The following OSCP1 variants were observed in gnomAD, a reference collection of about 807,000 sequenced individuals.
The protein encoded by OSCP1 is organic solute carrier partner 1.
A neutral mutation model predicts 45.1 loss-of-function variants in OSCP1; 35 were observed. The ratio of observed to expected loss-of-function variants is 0.78; its 90% CI spans 0.59 to 1.03. The LOEUF is 1.03. Among genes scored for constraint, OSCP1 ranks in the 50% least tolerant of loss-of-function variants. OSCP1 has a pLI of 0.00. For synonymous variants in OSCP1, 179 were observed against 180.1 expected (o/e 0.99, Z 0.05); for missense variants, 400 against 470.7 (o/e 0.85, Z 1.39).
At chr1:36,420,805 T>C (rs565504261) in intron 7 of OSCP1, among the ~76,000 whole-genome samples, 190 bp from the exon 8 acceptor site, 2 of 152,338 alleles carry the variant, frequency 1.3e-5, no homozygotes, top group East Asian at 3.9e-4. Flanking sequence ...GCAGAGGGAA[T>C]GTAGCAACTT....
rs183022732 is a variant in OSCP1 at position 36,427,958 on chromosome 1, C to A, written c.516+3844G>T. Among the ~76,000 whole-genome samples, 38 of 151,868 alleles carry A rather than the reference C, an allele frequency of 2.5e-4. No individual in the cohort carries two copies. The East Asian group carries it at 6.8e-3, about 27-fold the overall frequency. ...ATTCCAGCACTTTGGGAGGCCGAGG[C>A]GGGTGGATTGCCTGAGGTCAGGAGT... is the stretch of plus-strand genomic sequence containing the variant. On this transcript the variant is annotated intron_variant, in intron 4 of 9. Coordinates refer to ENST00000235532, the MANE Select transcript of OSCP1 (RefSeq NM_145047.5).
intron 1 of OSCP1, among the ~76,000 whole-genome samples, chr1:36,442,395 A>G (rs1649256944): frequency 6.6e-6 from 1 of 152,204 alleles, no homozygotes; most frequent in Non-Finnish European, 1.5e-5. Flanking sequence ...ATAAATTTCA[A>G]TGATTCAATT....
rs1266742543 is a variant in OSCP1, at chr1:36,432,603, C to T, written c.268-14G>A. ...CAGGTCATAGAGCTGCCAACCCACA[C>T]ACAAGCAAAAGAAATGGGATCATAT... On this transcript the variant is annotated splice_polypyrimidine_tract_variant and intron_variant, in intron 2 of 9. Coordinates refer to ENST00000235532, the MANE Select transcript of OSCP1 (RefSeq NM_145047.5). 1.9e-6 allele frequency: 3 copies of T among 1,614,066 alleles called. No individual in the cohort carries two copies. Among genetic ancestry groups the T allele is most frequent in the Non-Finnish European group, 2.5e-6 (3 of 1,179,984 alleles).
intron 1 of OSCP1, among the ~76,000 whole-genome samples, chr1:36,446,435 G>A (rs184972435): frequency 6.6e-6 from 1 of 152,300 alleles, no homozygotes; most frequent in African/African-American, 2.4e-5. Context: ...GCTGCAAGGG[G>A]GTCATCTCTG....
intron 1 of OSCP1, chr1:36,448,014 G>A (rs993425240): frequency 2.3e-5 from 8 of 342,532 alleles, no homozygotes; most frequent in African/African-American, 1.5e-4. Flanking sequence ...GTATTCCAAG[G>A]GCCTTGTCCA....
At chr1:36,448,805 G>A (rs888907596) in intron 1 of OSCP1, among the ~76,000 whole-genome samples, 13 of 152,250 alleles carry the variant, frequency 8.5e-5, no homozygotes, top group Admixed American at 7.2e-4. Flanking sequence ...AGTGGTGGAA[G>A]AAGGGACTGC....
chr1:36,436,249 G>A (rs1324450810), intron 2 of OSCP1, among the ~76,000 whole-genome samples: 1 of 150,644 alleles, frequency 6.6e-6, no homozygotes, highest in Non-Finnish European at 1.5e-5. Flanking sequence ...GACTACAGGC[G>A]CCCACCACCA....
intron 2 of OSCP1, among the ~76,000 whole-genome samples, chr1:36,435,645 GT>G (rs1648677075): frequency 7.0e-6 from 1 of 142,816 alleles, no homozygotes; most frequent in South Asian, 2.2e-4. Context: ...TTTTTTTTTT[GT>G]TTTGAGACAG....
At position 36,450,443 on chromosome 1, in the gene OSCP1, C is replaced by G. The variant is rs554453784; in HGVS notation, c.-74G>C. The G allele has an allele frequency of 1.2e-5, 15 of 1,268,706 alleles. No individual in the cohort carries two copies. The highest frequency in any genetic ancestry group is 1.9e-4 in the Middle Eastern group (1 of 5,330). 78.6% of individuals were successfully genotyped at this position (1,268,706 alleles called of 1,614,324 possible). Reference sequence around the variant, plus strand: ...CAGTGGCCTGAAGGCCAGGCCGCAGCGTCCCAATAGTCCGGTTGCTGGGGC... The same window carrying G: ...CAGTGGCCTGAAGGCCAGGCCGCAGGGTCCCAATAGTCCGGTTGCTGGGGC... On this transcript the variant is annotated 5_prime_UTR_variant, in exon 1 of 10. Coordinates refer to ENST00000235532, the MANE Select transcript of OSCP1 (RefSeq NM_145047.5).
chr1:36,425,121 C>T (rs982094916), intron 4 of OSCP1, among the ~76,000 whole-genome samples: 8 of 147,414 alleles, frequency 5.4e-5, no homozygotes, highest in Non-Finnish European at 3.0e-5. Context: ...TGCAGTGAGC[C>T]GAGATCATGC....
chr1:36,448,588 A>G (rs540098778), intron 1 of OSCP1, among the ~76,000 whole-genome samples: 5 of 152,332 alleles, frequency 3.3e-5, no homozygotes, highest in African/African-American at 1.2e-4. Context: ...ATGGGGTGCT[A>G]TGGGAGCACA....
Position 36,425,190 on chromosome 1 carries a change from T to A in OSCP1, c.517-1724A>T, listed in dbSNP as rs575686620. 7.4e-4 allele frequency among the ~76,000 whole-genome samples: 88 copies of A among 119,004 alleles called. 1 individual carries two copies. The highest frequency in any genetic ancestry group is 5.7e-3 in the East Asian group (22 of 3,882). The allele number at this position is 119,004 out of a possible 152,430, so 78.1% of individuals were successfully genotyped here. A position where few individuals can be genotyped will look rare whatever the true frequency, so the allele number is the denominator to read the frequency against. ...TCTGTCTCAAAAAAAAAAAAAAAAA[T>A]GGAAAGAATAAGCATTTGTTGTGTG... is the stretch of plus-strand genomic sequence containing the variant. On this transcript the variant is annotated intron_variant, in intron 4 of 9. Coordinates refer to ENST00000235532, the MANE Select transcript of OSCP1 (RefSeq NM_145047.5).
chr1:36,447,964 GA>G lies in OSCP1; in HGVS notation c.112+2293del. 2.3e-6 allele frequency: 1 copy of G among 435,044 alleles called. No homozygotes were observed. Among genetic ancestry groups the G allele is most frequent in the Non-Finnish European group, 4.7e-6 (1 of 213,444 alleles). 26.9% of individuals were successfully genotyped at this position (435,044 alleles called of 1,614,324 possible). A position where few individuals can be genotyped will look rare whatever the true frequency, so the allele number is the denominator to read the frequency against. ...CCCAAAACCATATTTAGCAAAAGCA[GA>G]AAAAAGGCTATAACTCCTAAAGGTA... On this transcript the variant is annotated intron_variant, in intron 1 of 9. Coordinates refer to ENST00000235532, the MANE Select transcript of OSCP1 (RefSeq NM_145047.5). This position sits in a 1 kb window ranked among gnomAD's most constrained non-coding sequence, Gnocchi z 4.1.
chr1:36,431,533 A>G (rs774603691), intron 4 of OSCP1, among the ~76,000 whole-genome samples: 63 of 152,244 alleles, frequency 4.1e-4, no homozygotes, highest in African/African-American at 1.5e-3. Flanking sequence ...TTGACTTGAC[A>G]GCATATTTCC....
In OSCP1 at chr1:36,423,462, G is replaced by C; in HGVS notation, c.521C>G (p.Ser174Cys). Residue 174 changes from serine (S) to cysteine (C), a missense_variant, in exon 5 of 10, where the codon TCC (serine) becomes TGC (cysteine). Physicochemically the swap from Ser to Cys is moderately radical, Grantham distance 112. Coordinates refer to ENST00000235532, the MANE Select transcript of OSCP1 (RefSeq NM_145047.5). ...CTGAACTTTGTCCTTTAGAAACATG[G>C]ATACCTGGAAAAAAATACATTTATT... ...IFFQDLHIRV[S>C]MFLKDKVQNN... 6.2e-7 allele frequency: 1 copy of C among 1,600,014 alleles called. No individual in the cohort carries two copies.
chr1:36,445,277 G>A (rs551917735), intron 1 of OSCP1, among the ~76,000 whole-genome samples: 1 of 152,268 alleles, frequency 6.6e-6, no homozygotes, highest in East Asian at 1.9e-4. Context: ...TTGAACCCAG[G>A]AGGTGAAGGT....
chr1:36,422,634 G>C (rs757892712), intron 6 of OSCP1, 134 bp downstream of exon 6: 5 of 904,618 alleles, frequency 5.5e-6, no homozygotes, highest in African/African-American at 1.7e-5. Flanking sequence ...TCTGTATGCA[G>C]TGTACCTAAG....
At position 36,423,419 on chromosome 1, in the gene OSCP1, A is replaced by G; in HGVS notation, c.564T>C (p.Phe188=). The G allele has an allele frequency of 6.2e-7, 1 of 1,613,898 alleles. No homozygotes were observed. The highest frequency in any genetic ancestry group is 8.5e-7 in the Non-Finnish European group (1 of 1,179,886). The change falls in exon 5 of 10, where the codon TTT becomes TTC. Residue 188 remains phenylalanine (F), a synonymous_variant. Coordinates refer to ENST00000235532, the MANE Select transcript of OSCP1 (RefSeq NM_145047.5). Reference sequence around the variant, plus strand: ...GAACAGGCCCGGACACCGGCAACACAAAGCGACCGTTATTATTCTGAACTT... The same window carrying G: ...GAACAGGCCCGGACACCGGCAACACGAAGCGACCGTTATTATTCTGAACTT... The part of the protein sequence containing the change: ...KDKVQNNNGR[F]VLPVSGPVPW...
rs575533954 is a variant in OSCP1 at position 36,423,549 on chromosome 1, G to C, written c.517-83C>G. On this transcript the variant is annotated intron_variant, in intron 4 of 9. Coordinates refer to ENST00000235532, the MANE Select transcript of OSCP1 (RefSeq NM_145047.5). ...TTCTGAGGGTGGAAAGTGCGTAATG[G>C]TTTGGGAACATGACCTATGAGTTTA... The C allele has an allele frequency of 4.5e-6, 5 of 1,107,416 alleles. No homozygotes were observed. In the African/African-American group the frequency reaches 7.8e-5, roughly 17 times the overall value. The allele number at this position is 1,107,416 out of a possible 1,614,324, so 68.6% of individuals were successfully genotyped here. A position where few individuals can be genotyped will look rare whatever the true frequency, so the allele number is the denominator to read the frequency against.
Sources: gnomAD v4.1 joint callset for allele counts (sites outside exome capture counted in the v4.1 genomes callset) on GRCh38, gnomAD v4.1.1 for gene constraint, Gnocchi (gnomAD v3.1) non-coding constraint, MANE v1.5 for transcripts, NCBI Gene and HGNC (gene_info 2026-07-23, HGNC 2026-07-21) for gene names.